Variants in TNKS observed in about 807,000 individuals in gnomAD.
TNKS encodes the protein tankyrase, also known as poly [ADP-ribose] polymerase tankyrase-1.
Under a neutral mutation model 135.8 loss-of-function variants are expected in TNKS, and 72 were observed. The ratio of observed to expected loss-of-function variants is 0.53; its 90% CI spans 0.44 to 0.64. TNKS has a LOEUF of 0.64. Ranked by LOEUF, TNKS falls within the 30% of genes least tolerant of loss-of-function variation. The pLI is 0.00. For missense variants in TNKS, 1,769 were observed against 1,674.0 expected, an observed-to-expected ratio of 1.06 and a Z score of -0.99; for synonymous variants, 849 against 649.3, an observed-to-expected ratio of 1.31 and a Z score of -4.68.
rs1385762306 is a variant in TNKS, at chr8:9,680,715, C to G, written c.1032-10C>G. On this transcript the variant is annotated splice_polypyrimidine_tract_variant and intron_variant, in intron 4 of 26. Transcript: ENST00000310430. ...AATTTTAGAGGAATTGACTTACTACCTTTTTATAGGAGTGGTAATGAAGAA... is the reference window on the plus strand; with the variant it reads ...AATTTTAGAGGAATTGACTTACTACGTTTTTATAGGAGTGGTAATGAAGAA... The G allele has an allele frequency of 6.3e-7, 1 of 1,592,190 alleles. No homozygotes were observed.
At chr8:9,722,734 C>T (rs1009576494) in intron 12 of TNKS, among the ~76,000 whole-genome samples, 4 of 152,132 alleles carry the variant, frequency 2.6e-5, no homozygotes, top group African/African-American at 7.2e-5. Context: ...TACTGAGAAT[C>T]ATTTAGTACC....
intron 3 of TNKS, among the ~76,000 whole-genome samples, chr8:9,673,221 A>G (rs140190131): frequency 1.3e-5 from 2 of 152,278 alleles, no homozygotes; most frequent in Non-Finnish European, 1.5e-5. Flanking sequence ...AGGTCATATT[A>G]CTGCCTCCTG....
At chr8:9,688,937 G>A (rs576706227) in intron 5 of TNKS, among the ~76,000 whole-genome samples, 5 of 150,738 alleles carry the variant, frequency 3.3e-5, no homozygotes, top group East Asian at 3.9e-4. Flanking sequence ...CACTGTTCCC[G>A]GCCCAGCAAG....
Position 9,730,910 on chromosome 8 carries a change from T to C in TNKS, c.2022T>C (p.Asn674=). 1 of 1,613,242 alleles carries C rather than the reference T, an allele frequency of 6.2e-7. No homozygotes were observed. The highest frequency in any genetic ancestry group is 8.5e-7 in the Non-Finnish European group (1 of 1,179,658). ...GAAAGCAACTTTGCAGCTCTCAAAATGTGAATTGTAGAGACTTAGAGGGCC... is the reference window on the plus strand; with the variant it reads ...GAAAGCAACTTTGCAGCTCTCAAAACGTGAATTGTAGAGACTTAGAGGGCC... ...ETVKQLCSSQ[N]VNCRDLEGRH... Residue 674 remains asparagine (N), a synonymous_variant, in exon 14 of 27, where the codon AAT becomes AAC. Coordinates refer to ENST00000310430, the MANE Select transcript of TNKS (RefSeq NM_003747.3).
At position 9,747,837 on chromosome 8, in the gene TNKS, G is replaced by T. The variant is rs550596474; in HGVS notation, c.2644-187G>T. ...TTGTGTAATTGAGATTTTGAAGGAG[G>T]CAAGAAAAGATGGAGTCCAAAGTGT... On this transcript the variant is annotated intron_variant, in intron 17 of 26. Coordinates refer to ENST00000310430, the MANE Select transcript of TNKS (RefSeq NM_003747.3). Among the ~76,000 whole-genome samples, 3 of 152,112 alleles carry T rather than the reference G, an allele frequency of 2.0e-5. No homozygotes were observed. The South Asian group carries it at 6.2e-4, about 32-fold the overall frequency.
chr8:9,586,883 G>A (rs774121519), intron 2 of TNKS, among the ~76,000 whole-genome samples: 4 of 152,002 alleles, frequency 2.6e-5, no homozygotes, highest in Admixed American at 6.6e-5. Flanking sequence ...GAGGGTCACC[G>A]TGGTCTGCTG....
At chr8:9,574,939 C>T (rs1413056458) in intron 1 of TNKS, 7 of 667,670 alleles carry the variant, frequency 1.0e-5, no homozygotes, top group Non-Finnish European at 1.3e-5. Flanking sequence ...AAATATAGCA[C>T]TCTTGTGACT....
At position 9,658,353 on chromosome 8, in the gene TNKS, G is replaced by A. The variant is rs970261445; in HGVS notation, c.995-21598G>A. 6.2e-5 allele frequency: 72 copies of A among 1,165,544 alleles called. No individual in the cohort carries two copies. The Middle Eastern group carries it at 9.4e-4, about 15-fold the overall frequency. 72.2% of individuals were successfully genotyped at this position (1,165,544 alleles called of 1,614,324 possible). A position where few individuals can be genotyped will look rare whatever the true frequency, so the allele number is the denominator to read the frequency against. ...CTCCTCCAGCCGCTGCCTCCCAGGC[G>A]GCGCTCGCCGGCGCGGCGGCAAAGA... On this transcript the variant is annotated intron_variant, in intron 3 of 26. Coordinates refer to ENST00000310430, the MANE Select transcript of TNKS (RefSeq NM_003747.3).
intron 3 of TNKS, among the ~76,000 whole-genome samples, chr8:9,653,412 G>C (rs529301251): frequency 6.6e-6 from 1 of 151,998 alleles, no homozygotes; most frequent in African/African-American, 2.4e-5. Context: ...AGGGAGAGAG[G>C]TTTATTTAGC....
chr8:9,632,377 C>G (rs1800324392), intron 3 of TNKS, among the ~76,000 whole-genome samples: 1 of 152,122 alleles, frequency 6.6e-6, no homozygotes, highest in Non-Finnish European at 1.5e-5. Flanking sequence ...CATAGATTCA[C>G]CAATTATTAA....
intron 26 of TNKS, among the ~76,000 whole-genome samples, chr8:9,772,907 A>G (rs1405579389): frequency 7.0e-6 from 1 of 142,612 alleles, no homozygotes; most frequent in Non-Finnish European, 1.5e-5. Flanking sequence ...AGGGATAGGG[A>G]AGGGGCAAAT....
chr8:9,567,476 C>T lies in TNKS; in HGVS notation c.673+10864C>T, dbSNP rs569250131. Among the ~76,000 whole-genome samples, 26 of 152,276 alleles carry T rather than the reference C, an allele frequency of 1.7e-4. No homozygotes were observed. The East Asian group carries it at 3.9e-3, about 23-fold the overall frequency. ...TGTCGCCCAGGCTGGAGCGCAGTGG[C>T]GCGATCTTGGCTCACTGCAAGCTCT... On this transcript the variant is annotated intron_variant, in intron 1 of 26. Coordinates refer to ENST00000310430, the MANE Select transcript of TNKS (RefSeq NM_003747.3).
intron 2 of TNKS, among the ~76,000 whole-genome samples, chr8:9,584,025 G>A (rs903193680): frequency 4.0e-5 from 6 of 151,764 alleles, no homozygotes; most frequent in Admixed American, 1.3e-4. Flanking sequence ...TTAGCCGGGC[G>A]TGGTGGTGGG....
At chr8:9,672,250 G>A (rs1310295904) in intron 3 of TNKS, among the ~76,000 whole-genome samples, 1 of 152,050 alleles carries the variant, frequency 6.6e-6, no homozygotes, top group Non-Finnish European at 1.5e-5. Context: ...CATATATAGG[G>A]TAGGTACCGT....
chr8:9,734,965 C>G lies in TNKS; in HGVS notation c.2414C>G (p.Ala805Gly), dbSNP rs1212244707. Residue 805 changes from alanine to glycine, a missense_variant, in exon 16 of 27, where the codon GCT becomes GGT. Coordinates refer to ENST00000310430, the MANE Select transcript of TNKS (RefSeq NM_003747.3). ...TDIQDLLRGD[A>G]ALLDAAKKGC... ...ATTCAGGACTTACTGAGAGGGGATG[C>G]TGCTTTGTTGGATGCTGCCAAGAAG... 6.2e-7 allele frequency: 1 copy of G among 1,614,144 alleles called. No individual in the cohort carries two copies.
chr8:9,732,123 GT>G (rs2128818074), intron 14 of TNKS, among the ~76,000 whole-genome samples: 1 of 152,260 alleles, frequency 6.6e-6, no homozygotes, highest in African/African-American at 2.4e-5. Context: ...GTAAGTTATT[GT>G]TTATTCTTCT....
intron 11 of TNKS, among the ~76,000 whole-genome samples, chr8:9,720,149 G>A (rs932856765): frequency 7.9e-5 from 12 of 152,080 alleles, no homozygotes; most frequent in African/African-American, 2.2e-4. Context: ...TGGTCATTCC[G>A]GGAAGAAAGG....
chr8:9,689,543 G>C (rs1402707759), intron 5 of TNKS, among the ~76,000 whole-genome samples: 1 of 151,972 alleles, frequency 6.6e-6, no homozygotes, highest in African/African-American at 2.4e-5. Flanking sequence ...CCCTACTTTT[G>C]AATATTATAA....
At chr8:9,598,615 G>C (rs1014251154) in intron 2 of TNKS, among the ~76,000 whole-genome samples, 1 of 151,034 alleles carries the variant, frequency 6.6e-6, no homozygotes, top group African/African-American at 2.4e-5. Context: ...AGGATCAACT[G>C]AGCCAGTGAT....
Sources: gnomAD v4.1 joint callset for allele counts (sites outside exome capture counted in the v4.1 genomes callset) on GRCh38, gnomAD v4.1.1 for gene constraint, MANE v1.5 for transcripts, NCBI Gene and HGNC (gene_info 2026-07-23, HGNC 2026-07-21) for gene names.